The following ZNRF1 variants were observed in gnomAD, a reference collection of about 807,000 sequenced individuals.
ZNRF1 encodes E3 ubiquitin-protein ligase ZNRF1.
In ZNRF1, 3 loss-of-function variants were observed where a neutral mutation model predicts 18.4. The observed-to-expected ratio is 0.16, with a 90% CI of 0.07 to 0.42. The LOEUF (loss-of-function observed/expected upper bound fraction) is 0.42. ZNRF1 is among the 10% of genes least tolerant of loss of function. ZNRF1 has a pLI of 0.99. For synonymous variants in ZNRF1, 157 were observed against 144.2 expected, an observed-to-expected ratio of 1.09 and a Z score of -0.64; for missense variants, 310 against 329.8, an observed-to-expected ratio of 0.94 and a Z score of 0.47.
At chr16:75,033,234 A>G (rs2035329440) in intron 1 of ZNRF1, among the ~76,000 whole-genome samples, 1 of 151,022 alleles carries the variant, frequency 6.6e-6, no homozygotes, top group Admixed American at 6.6e-5. Flanking sequence ...TTTCCATATA[A>G]AATTTAGAAT....
rs1363607389 is a variant in ZNRF1 at position 74,999,362 on chromosome 16, C to T, written c.-310C>T. 9.8e-5 allele frequency: 20 copies of T among 203,750 alleles called. 1 individual carries two copies. In the South Asian group the frequency reaches 3.5e-3, roughly 36 times the overall value. 12.6% of individuals were successfully genotyped at this position (203,750 alleles called of 1,614,324 possible). A position where few individuals can be genotyped will look rare whatever the true frequency, so the allele number is the denominator to read the frequency against. On this transcript the variant is annotated 5_prime_UTR_variant, in exon 1 of 5. Transcript: ENST00000335325. Reference sequence around the variant, plus strand: ...CCCTCCTTCCCTGCGGCTCCCCCGGCTTTCGGAGCCCGGGGGCGGCCTGTG... The same window carrying T: ...CCCTCCTTCCCTGCGGCTCCCCCGGTTTTCGGAGCCCGGGGGCGGCCTGTG...
At chr16:75,084,935 G>C (rs897271327) in intron 1 of ZNRF1, among the ~76,000 whole-genome samples, 8 of 152,148 alleles carry the variant, frequency 5.3e-5, no homozygotes, top group Non-Finnish European at 1.2e-4. Flanking sequence ...CTTTGTTTCT[G>C]TTCATTTCAT....
At chr16:75,022,068 C>T (rs537052111) in intron 1 of ZNRF1, among the ~76,000 whole-genome samples, 7 of 152,108 alleles carry the variant, frequency 4.6e-5, no homozygotes, top group Non-Finnish European at 7.4e-5. Context: ...TCCTTCCGTC[C>T]GTCCATCCAT....
chr16:75,080,493 C>G (rs1271474835), intron 1 of ZNRF1, among the ~76,000 whole-genome samples: 1 of 152,122 alleles, frequency 6.6e-6, no homozygotes, highest in Admixed American at 6.5e-5. Context: ...GCAAAAAATT[C>G]CTATCAGCCA....
intron 1 of ZNRF1, among the ~76,000 whole-genome samples, chr16:75,081,752 A>G (rs1426577108): frequency 2.0e-5 from 3 of 152,292 alleles, no homozygotes; most frequent in East Asian, 3.9e-4. Context: ...GCTTGTAGGT[A>G]ATCCCTAGTG....
At position 74,999,872 on chromosome 16, in the gene ZNRF1, G is replaced by A; in HGVS notation, c.201G>A (p.Val67=). 6.5e-7 allele frequency: 1 copy of A among 1,526,804 alleles called. No individual in the cohort carries two copies. The highest frequency in any genetic ancestry group is 1.2e-5 in the South Asian group (1 of 82,654). The allele number at this position is 1,526,804 out of a possible 1,614,324, so 94.6% of individuals were successfully genotyped here. A position where few individuals can be genotyped will look rare whatever the true frequency, so the allele number is the denominator to read the frequency against. Reference sequence around the variant, plus strand: ...TGGACCCCAGCACGGCCGGGGGGGTGCCCTTTGGCCTCTACACCCCCGCCT... The same window carrying A: ...TGGACCCCAGCACGGCCGGGGGGGTACCCTTTGGCCTCTACACCCCCGCCT... The part of the protein sequence containing the change: ...MGMDPSTAGG[V]PFGLYTPASR... Residue 67 remains valine, a synonymous_variant, in exon 1 of 5, where the codon GTG becomes GTA. Coordinates refer to ENST00000335325, the MANE Select transcript of ZNRF1 (RefSeq NM_032268.5).
chr16:75,101,341 G>A lies in ZNRF1; in HGVS notation c.521-3443G>A, dbSNP rs751340146. Among the ~76,000 whole-genome samples, 4 of 152,296 alleles carry A rather than the reference G, an allele frequency of 2.6e-5. No individual in the cohort carries two copies. In the South Asian group the frequency reaches 6.2e-4, roughly 24 times the overall value. ...GAGGCCGAGGTAGGTGGATCACGAG[G>A]TCAAGAGATCAAGACCATCCTGGCT... On this transcript the variant is annotated intron_variant, in intron 2 of 4. Coordinates refer to ENST00000335325, the MANE Select transcript of ZNRF1 (RefSeq NM_032268.5).
intron 1 of ZNRF1, among the ~76,000 whole-genome samples, chr16:75,028,087 A>G (rs769746833): frequency 9.2e-5 from 14 of 152,206 alleles, no homozygotes; most frequent in South Asian, 2.1e-4. Flanking sequence ...TCCATTTGCA[A>G]ACAAAATTTC....
At chr16:75,048,262 C>G (rs1214348728) in intron 1 of ZNRF1, among the ~76,000 whole-genome samples, 2 of 152,122 alleles carry the variant, frequency 1.3e-5, no homozygotes, top group Non-Finnish European at 1.5e-5. Flanking sequence ...ATCTCCTATT[C>G]TCATATGAAC....
intron 1 of ZNRF1, among the ~76,000 whole-genome samples, chr16:75,039,017 A>G (rs916511932): frequency 6.6e-5 from 10 of 152,190 alleles, no homozygotes; most frequent in Admixed American, 1.3e-4. Context: ...GCACAGCATT[A>G]CATTCCAGTA....
At chr16:75,083,481 C>T (rs186881267) in intron 1 of ZNRF1, among the ~76,000 whole-genome samples, 179 of 152,238 alleles carry the variant, frequency 1.2e-3, no homozygotes, top group Non-Finnish European at 2.1e-3. Context: ...ATCTACCATG[C>T]TTAGAGTAGA....
At position 75,040,042 on chromosome 16, in the gene ZNRF1, C is replaced by CTTTTTTTTTTT. The variant is rs57122648; in HGVS notation, c.424+39963_424+39973dup. ...AATCTTTTGTTTCTTTCTTTTCTTT[C>CTTTTTTTTTTT]TTTTTTTTTTTTTTTTTTTTTTTTT... is the stretch of plus-strand genomic sequence containing the variant. On this transcript the variant is annotated intron_variant, in intron 1 of 4. Transcript: ENST00000335325. Among the ~76,000 whole-genome samples the CTTTTTTTTTTT allele has an allele frequency of 2.3e-3, 183 of 78,848 alleles. 1 individual carries two copies. The highest frequency in any genetic ancestry group is 2.9e-3 in the African/African-American group (53 of 18,136). The allele number at this position is 78,848 out of a possible 152,430, so 51.7% of individuals were successfully genotyped here.
chr16:75,026,867 G>A (rs563482934), intron 1 of ZNRF1, among the ~76,000 whole-genome samples: 4 of 151,378 alleles, frequency 2.6e-5, no homozygotes, highest in Admixed American at 1.3e-4. Flanking sequence ...ACCCAGAGGC[G>A]GCACTCCAGC....
intron 1 of ZNRF1, chr16:75,084,437 GA>G (rs2036051553): frequency 1.3e-5 from 2 of 152,178 alleles, no homozygotes; most frequent in African/African-American, 2.4e-5. Flanking sequence ...AGGATGAAGA[GA>G]AAAATCTTCA....
intron 1 of ZNRF1, among the ~76,000 whole-genome samples, chr16:75,034,621 C>T (rs4888334): frequency 0.87 from 132,291 of 152,170 alleles, 58,098 homozygotes; most frequent in Non-Finnish European, 0.93. Flanking sequence ...TCCGTTCTTT[C>T]GATTTTAACT....
chr16:75,027,758 G>C (rs1178653658), intron 1 of ZNRF1, among the ~76,000 whole-genome samples: 1 of 152,000 alleles, frequency 6.6e-6, no homozygotes, highest in Non-Finnish European at 1.5e-5. Context: ...TGTGCCCCTG[G>C]GTTAGAAGAA....
intron 1 of ZNRF1, among the ~76,000 whole-genome samples, chr16:75,075,571 A>G (rs1256688601): frequency 6.6e-6 from 1 of 152,224 alleles, no homozygotes; most frequent in African/African-American, 2.4e-5. Flanking sequence ...CCGGTTGTAC[A>G]GCTGGGCCTT....
At chr16:75,018,804 T>C (rs895497569) in intron 1 of ZNRF1, among the ~76,000 whole-genome samples, 7 of 151,144 alleles carry the variant, frequency 4.6e-5, no homozygotes, top group Non-Finnish European at 1.0e-4. Flanking sequence ...TATTCTCCTT[T>C]GGATTTTTGC....
At chr16:75,068,700 G>A (rs1312889811) in intron 1 of ZNRF1, among the ~76,000 whole-genome samples, 1 of 151,816 alleles carries the variant, frequency 6.6e-6, no homozygotes, top group Admixed American at 6.6e-5. Context: ...TGGCCCTGGG[G>A]TCTAGCATCT....
Sources: gnomAD v4.1 joint callset for allele counts (sites outside exome capture counted in the v4.1 genomes callset) on GRCh38, gnomAD v4.1.1 for gene constraint, MANE v1.5 for transcripts, NCBI Gene and HGNC (gene_info 2026-07-23, HGNC 2026-07-21) for gene names.